Variants in ELF5 observed in about 807,000 individuals in gnomAD.
ELF5 encodes E74 like ETS transcription factor 5, also known as ETS-related transcription factor Elf-5.
In ELF5, 31 loss-of-function variants were observed where a neutral mutation model predicts 38.2. The observed-to-expected ratio is 0.81, with a 90% confidence interval of 0.61 to 1.10. ELF5 has a LOEUF of 1.10. Among genes scored for constraint, ELF5 ranks in the 50% least tolerant of loss-of-function variants. The pLI is 0.00. For missense variants in ELF5, 300 were observed against 306.6 expected, an observed-to-expected ratio of 0.98 and a Z score of 0.16; for synonymous variants, 121 against 112.5, an observed-to-expected ratio of 1.08 and a Z score of -0.48.
chr11:34,508,668 A>G (rs1435239752), intron 1 of ELF5, among the ~76,000 whole-genome samples: 3 of 152,186 alleles, frequency 2.0e-5, no homozygotes, highest in African/African-American at 4.8e-5. Context: ...GCAACCCCTA[A>G]CCAGATTCAT....
chr11:34,487,415 C>T (rs930054258), intron 4 of ELF5, among the ~76,000 whole-genome samples: 1 of 152,160 alleles, frequency 6.6e-6, no homozygotes, highest in African/African-American at 2.4e-5. Flanking sequence ...GAAACTTCTC[C>T]CCATCTCTTC....
intron 2 of ELF5, among the ~76,000 whole-genome samples, chr11:34,504,814 A>G (rs1208107468): frequency 2.0e-5 from 3 of 152,138 alleles, no homozygotes; most frequent in African/African-American, 7.2e-5. Context: ...GATTTTCTCA[A>G]GGTCCCATGC....
intron 4 of ELF5, among the ~76,000 whole-genome samples, chr11:34,489,042 G>A (rs1850088936): frequency 6.6e-6 from 1 of 152,240 alleles, no homozygotes; most frequent in African/African-American, 2.4e-5. Flanking sequence ...ATGAAACCTG[G>A]CAGAATGCAG....
chr11:34,484,974 G>T lies in ELF5; in HGVS notation c.407-2475C>A, dbSNP rs78668185. 1.8e-4 allele frequency among the ~76,000 whole-genome samples: 28 copies of T among 152,294 alleles called. No individual in the cohort carries two copies. The East Asian group carries it at 5.4e-3, about 29-fold the overall frequency. On this transcript the variant is annotated intron_variant, in intron 4 of 6. Coordinates refer to ENST00000257832, the MANE Select transcript of ELF5 (RefSeq NM_001422.4). ...CTTATGAGCCCCATAGAGAGCACCT[G>T]TGAGTTCCTTGGTATCACAACACTG...
chr11:34,486,851 T>TA (rs1850008267), intron 4 of ELF5, among the ~76,000 whole-genome samples: 1 of 152,198 alleles, frequency 6.6e-6, no homozygotes, highest in African/African-American at 2.4e-5. Context: ...GAAGACCCAA[T>TA]GGGAACATTG....
intron 2 of ELF5, among the ~76,000 whole-genome samples, chr11:34,502,610 A>T (rs1032209048): frequency 1.3e-5 from 2 of 152,198 alleles, no homozygotes; most frequent in African/African-American, 4.8e-5. Context: ...TGAACATTTC[A>T]CACCCAACTT....
intron 3 of ELF5, among the ~76,000 whole-genome samples, chr11:34,490,390 A>T (rs929910779): frequency 7.9e-5 from 12 of 152,108 alleles, no homozygotes; most frequent in African/African-American, 2.4e-4. Context: ...CGGGCTACTG[A>T]TCCCTGTGCA....
rs922522167 is a variant in ELF5 at position 34,504,400 on chromosome 11, C to T, written c.121+1229G>A. On this transcript the variant is annotated intron_variant, in intron 2 of 6. Coordinates refer to ENST00000257832, the MANE Select transcript of ELF5 (RefSeq NM_001422.4). ...ATGAGGGTGAGAGATTTCACATGTG[C>T]GTGTGTGTGTGTGCACGCGTGTGTG... is the stretch of plus-strand genomic sequence containing the variant. Among the ~76,000 whole-genome samples the T allele has an allele frequency of 4.6e-5, 7 of 151,720 alleles. No homozygotes were observed. In the South Asian group the frequency reaches 1.3e-3, roughly 27 times the overall value.
chr11:34,484,962 T>C (rs1849947385), intron 4 of ELF5, among the ~76,000 whole-genome samples: 2 of 152,168 alleles, frequency 1.3e-5, no homozygotes, highest in South Asian at 4.1e-4. Flanking sequence ...ATGAGCCCCA[T>C]AGAGAGCACC....
chr11:34,491,748 G>A (rs1268462643), intron 3 of ELF5: 1 of 151,950 alleles, frequency 6.6e-6, no homozygotes, highest in African/African-American at 2.4e-5. Context: ...GTCTAATTTT[G>A]TATTTTTAGT....
chr11:34,499,282 T>C (rs12789915), intron 2 of ELF5, among the ~76,000 whole-genome samples: 2 of 152,064 alleles, frequency 1.3e-5, no homozygotes, highest in Non-Finnish European at 2.9e-5. Context: ...CACTCTGTCA[T>C]CCGGGCTGGA....
chr11:34,511,707 G>T, intron 1 of ELF5: 1 of 1,060,896 alleles, frequency 9.4e-7, no homozygotes. Flanking sequence ...ACAAATCAGA[G>T]GCAGCAATAA....
chr11:34,497,206 T>G (rs530976560), intron 2 of ELF5, among the ~76,000 whole-genome samples: 3 of 152,316 alleles, frequency 2.0e-5, no homozygotes, highest in South Asian at 4.1e-4. Flanking sequence ...TTATTTTTAA[T>G]GGGTTGTGTT....
At chr11:34,497,245 C>T (rs759581091) in intron 2 of ELF5, among the ~76,000 whole-genome samples, 15 of 152,304 alleles carry the variant, frequency 9.8e-5, no homozygotes, top group African/African-American at 2.6e-4. Flanking sequence ...TTTTTCTCAA[C>T]GCTTCTATCA....
At chr11:34,512,376 T>C (rs1380520446) in intron 1 of ELF5, among the ~76,000 whole-genome samples, 1 of 152,184 alleles carries the variant, frequency 6.6e-6, no homozygotes, top group Non-Finnish European at 1.5e-5. Flanking sequence ...AGGTATGCCA[T>C]GTAGTTTGCT....
intron 1 of ELF5, among the ~76,000 whole-genome samples, chr11:34,512,611 G>A (rs1006043164): frequency 2.0e-5 from 3 of 148,272 alleles, no homozygotes; most frequent in Non-Finnish European, 4.4e-5. Context: ...CATGCAATCC[G>A]ATATATGCAA....
chr11:34,506,047 T>C (rs1185610578), intron 1 of ELF5, among the ~76,000 whole-genome samples: 3 of 152,232 alleles, frequency 2.0e-5, no homozygotes, highest in East Asian at 1.9e-4. Flanking sequence ...GCTCTGATTA[T>C]GCAATATTGC....
chr11:34,511,718 C>T, intron 1 of ELF5: 2 of 953,266 alleles, frequency 2.1e-6, no homozygotes, highest in Non-Finnish European at 3.2e-6. Context: ...GCAGCAATAA[C>T]AGGTGTGGCT....
At chr11:34,492,271 G>C (rs1037652694) in intron 3 of ELF5, 1 of 152,318 alleles carries the variant, frequency 6.6e-6, no homozygotes, top group African/African-American at 2.4e-5. Context: ...GTGCCCAAGG[G>C]CCACCATTCT....
Sources: allele counts gnomAD v4.1 joint callset (sites outside exome capture counted in the v4.1 genomes callset), GRCh38; gene constraint gnomAD v4.1.1; transcripts MANE v1.5; gene names NCBI Gene and HGNC (gene_info 2026-07-23, HGNC 2026-07-21).